The following SLCO3A1 variants were observed in gnomAD, a reference collection of about 807,000 sequenced individuals.
SLCO3A1 encodes solute carrier organic anion transporter family member 3A1, also known as PGE1 transporter.
Under a neutral mutation model 63.1 loss-of-function variants are expected in SLCO3A1, and 27 were observed. The observed-to-expected ratio is 0.43, with a 90% CI of 0.32 to 0.59. The LOEUF (loss-of-function observed/expected upper bound fraction) is 0.59, where lower values mean the gene tolerates loss of function less well. Among genes scored for constraint, SLCO3A1 ranks in the 20% least tolerant of loss-of-function variants. The pLI, the probability that SLCO3A1 is intolerant of heterozygous loss-of-function variation, is 0.09. For synonymous variants in SLCO3A1, 473 were observed against 409.9 expected, an observed-to-expected ratio of 1.15 and a Z score of -1.86; for missense variants, 773 against 945.8, an observed-to-expected ratio of 0.82 and a Z score of 2.40.
chr15:91,907,262 A>G (rs1898337234), intron 1 of SLCO3A1, among the ~76,000 whole-genome samples: 1 of 151,840 alleles, frequency 6.6e-6, no homozygotes, highest in Admixed American at 6.6e-5. Context: ...GCTGGAGTGC[A>G]CTGGTGCGAT....
intron 1 of SLCO3A1, among the ~76,000 whole-genome samples, chr15:91,904,964 A>G (rs1898258058): frequency 6.6e-6 from 1 of 152,160 alleles, no homozygotes; most frequent in Non-Finnish European, 1.5e-5. Context: ...TTGTACCCTG[A>G]CCTGGTAGAG....
chr15:92,166,553 C>T (rs2048494594), downstream of SLCO3A1, among the ~76,000 whole-genome samples: 1 of 152,186 alleles, frequency 6.6e-6, no homozygotes, highest in East Asian at 1.9e-4. Flanking sequence ...CCTCCAGCTT[C>T]CCCTCACTCA....
At chr15:92,134,036 A>G (rs2048027196) in intron 7 of SLCO3A1, among the ~76,000 whole-genome samples, 1 of 152,218 alleles carries the variant, frequency 6.6e-6, no homozygotes, top group Non-Finnish European at 1.5e-5. Context: ...AAAAAGTTGG[A>G]AGATAGCTAT....
intron 2 of SLCO3A1, among the ~76,000 whole-genome samples, chr15:92,011,450 TA>T (rs2046367613): frequency 6.6e-6 from 1 of 152,190 alleles, no homozygotes; most frequent in Non-Finnish European, 1.5e-5. Context: ...TTGTACTCCA[TA>T]AATATGTACA....
chr15:91,991,097 C>T (rs554309215), intron 2 of SLCO3A1, among the ~76,000 whole-genome samples: 59 of 152,248 alleles, frequency 3.9e-4, no homozygotes, highest in African/African-American at 1.3e-3. Context: ...TGGCCAAGTG[C>T]AATGGCTCAC....
Position 91,854,069 on chromosome 15 carries a change from G to A in SLCO3A1, c.161G>A (p.Gly54Asp). The A allele has an allele frequency of 6.6e-7, 1 of 1,523,232 alleles. No individual in the cohort carries two copies. 94.4% of individuals were successfully genotyped at this position (1,523,232 alleles called of 1,614,324 possible). ...VSECALMLAQ[G>D]TVGAYLVSVL... ...GAGTGCGCCCTGATGCTGGCGCAGG[G>A]CACGGTGGGCGCCTACCTGGTGAGT... Residue 54 changes from glycine to aspartate, a missense_variant, in exon 1 of 10, where the codon GGC becomes GAC. Coordinates refer to ENST00000318445, the MANE Select transcript of SLCO3A1 (RefSeq NM_013272.4). The surrounding 1 kb of genome is among the most constrained non-coding windows in gnomAD (Gnocchi z 6.4).
intron 1 of SLCO3A1, among the ~76,000 whole-genome samples, chr15:91,893,337 C>G (rs138106862): frequency 6.6e-6 from 1 of 152,166 alleles, no homozygotes; most frequent in Non-Finnish European, 1.5e-5. Context: ...TGCTATAACA[C>G]GATACCATAA....
intron 5 of SLCO3A1, among the ~76,000 whole-genome samples, chr15:92,123,052 G>T (rs1028393255): frequency 6.6e-6 from 1 of 152,198 alleles, no homozygotes; most frequent in Non-Finnish European, 1.5e-5. Context: ...AGTTACAGGG[G>T]TGTGTACAGA....
chr15:92,149,965 G>A (rs551144080), intron 8 of SLCO3A1, among the ~76,000 whole-genome samples: 78 of 152,192 alleles, frequency 5.1e-4, no homozygotes, highest in African/African-American at 1.6e-3. Context: ...ATTTTGTAAC[G>A]TGCACGTTCT....
chr15:92,096,541 T>G (rs2047541298), intron 3 of SLCO3A1, among the ~76,000 whole-genome samples: 1 of 152,176 alleles, frequency 6.6e-6, no homozygotes, highest in Non-Finnish European at 1.5e-5. Context: ...CAAAGCCATA[T>G]TTCCTTTCTC....
At chr15:92,156,416 A>T (rs1270235831) in intron 9 of SLCO3A1, among the ~76,000 whole-genome samples, 1 of 152,158 alleles carries the variant, frequency 6.6e-6, no homozygotes, top group Admixed American at 6.5e-5. Flanking sequence ...CTGTACTGAG[A>T]TGACATCCAG....
At chr15:92,073,011 G>A (rs2047234753) in intron 2 of SLCO3A1, among the ~76,000 whole-genome samples, 1 of 152,066 alleles carries the variant, frequency 6.6e-6, no homozygotes, top group Admixed American at 6.6e-5. Context: ...CACATTGTCA[G>A]GACCTTGACC....
intron 2 of SLCO3A1, among the ~76,000 whole-genome samples, chr15:92,080,145 A>G (rs979035012): frequency 6.6e-6 from 1 of 152,168 alleles, no homozygotes; most frequent in African/African-American, 2.4e-5. Context: ...CCAACTGCAG[A>G]TCCTCCCCGA....
intron 2 of SLCO3A1, among the ~76,000 whole-genome samples, chr15:92,038,309 T>G (rs1227960859): frequency 3.3e-5 from 5 of 152,196 alleles, no homozygotes; most frequent in African/African-American, 1.2e-4. Flanking sequence ...GTGAGATCAT[T>G]ATTTGCCTTC....
intron 7 of SLCO3A1, among the ~76,000 whole-genome samples, chr15:92,142,864 T>A (rs961403903): frequency 6.6e-6 from 1 of 152,112 alleles, no homozygotes; most frequent in Admixed American, 6.5e-5. Flanking sequence ...AGTTTCCTCT[T>A]TTATGGTAAA....
chr15:92,125,563 T>A (rs1248561035), intron 5 of SLCO3A1, among the ~76,000 whole-genome samples: 1 of 152,106 alleles, frequency 6.6e-6, no homozygotes, highest in Non-Finnish European at 1.5e-5. Context: ...TTCCGTGACC[T>A]TTAGGTTAAA....
At chr15:91,957,675 C>T (rs1389137136) in intron 2 of SLCO3A1, among the ~76,000 whole-genome samples, 1 of 152,130 alleles carries the variant, frequency 6.6e-6, no homozygotes, top group Non-Finnish European at 1.5e-5. Context: ...AAAGGCCCTT[C>T]CTATTGGCCT....
At chr15:91,873,484 A>C (rs1230307417) in intron 1 of SLCO3A1, among the ~76,000 whole-genome samples, 1 of 151,864 alleles carries the variant, frequency 6.6e-6, no homozygotes. Context: ...AGGACTGACT[A>C]GTTGTTAAGA....
At chr15:91,871,765 GTTTTTTTTTTTT>G (rs33938693) in intron 1 of SLCO3A1, among the ~76,000 whole-genome samples, 2 of 45,688 alleles carry the variant, frequency 4.4e-5, no homozygotes, top group African/African-American at 1.8e-4. Context: ...TTTTTTTTTG[GTTTTTTTTTTTT>G]TTTTTTTTGG....
Sources: allele counts gnomAD v4.1 joint callset (sites outside exome capture counted in the v4.1 genomes callset), GRCh38; gene constraint gnomAD v4.1.1; non-coding constraint Gnocchi (gnomAD v3.1); transcripts MANE v1.5; gene names NCBI Gene and HGNC (gene_info 2026-07-23, HGNC 2026-07-21).